The following TRIO variants were observed in gnomAD, a reference collection of about 807,000 sequenced individuals.
TRIO encodes triple functional domain protein.
In TRIO, 58 loss-of-function variants were observed where a neutral mutation model predicts 351.9. The observed-to-expected ratio is 0.16, with a 90% CI of 0.13 to 0.21. The LOEUF (loss-of-function observed/expected upper bound fraction) is 0.21, where lower values mean the gene tolerates loss of function less well. Among genes scored for constraint, TRIO ranks in the 10% least tolerant of loss-of-function variants. TRIO has a pLI of 1.00. For synonymous variants in TRIO, 1,758 were observed against 1,595.7 expected (o/e 1.10, Z -2.42); for missense variants, 3,201 against 4,027.8 (o/e 0.79, Z 5.56).
At position 14,486,236 on chromosome 5, in the gene TRIO, G is replaced by A. The variant is rs187106229; in HGVS notation, c.6835+990G>A. Among the ~76,000 whole-genome samples, 25 of 152,280 alleles carry A rather than the reference G, an allele frequency of 1.6e-4. 1 individual carries two copies. Among genetic ancestry groups the A allele is most frequent in the East Asian group, 3.9e-4 (2 of 5,178 alleles). On this transcript the variant is annotated intron_variant, in intron 47 of 56. Transcript: ENST00000344204. ...CTTCTGGGTTCTTTGCTTCATGTTC[G>A]TATTCACGGTCTGCATCTATGCCTG...
chr5:14,278,195 T>C (rs1160310240), intron 2 of TRIO, among the ~76,000 whole-genome samples: 1 of 152,174 alleles, frequency 6.6e-6, no homozygotes, highest in Non-Finnish European at 1.5e-5. Flanking sequence ...GTTGGAAAAG[T>C]GTAGTAGGGG....
chr5:14,410,359 A>G (rs1355517387), intron 33 of TRIO, among the ~76,000 whole-genome samples: 1 of 152,188 alleles, frequency 6.6e-6, no homozygotes, highest in East Asian at 1.9e-4. Context: ...GTTGAGGGTC[A>G]TTAGATGACT....
At position 14,509,073 on chromosome 5, in the gene TRIO, C is replaced by T. The variant is rs1008318132; in HGVS notation, c.*651C>T. 5.3e-5 allele frequency: 10 copies of T among 188,268 alleles called. No homozygotes were observed. Among genetic ancestry groups the T allele is most frequent in the African/African-American group, 2.4e-4 (10 of 41,624 alleles). The allele number at this position is 188,268 out of a possible 1,614,324, so 11.7% of individuals were successfully genotyped here. ...CCACCTGCCTCCCCTACCCACCCCCCACCCACCACCTGGGGCTTCCTCTGG... is the reference window on the plus strand; with the variant it reads ...CCACCTGCCTCCCCTACCCACCCCCTACCCACCACCTGGGGCTTCCTCTGG... On this transcript the variant is annotated 3_prime_UTR_variant, in exon 57 of 57. Transcript: ENST00000344204.
chr5:14,270,977 C>A, intron 2 of TRIO, 78 bp downstream of exon 2: 1 of 975,998 alleles, frequency 1.0e-6, no homozygotes, highest in Admixed American at 2.2e-5. Context: ...AATGAACTCA[C>A]CTGCCACAAC....
chr5:14,387,151 TAC>T (rs1746616932), intron 21 of TRIO, among the ~76,000 whole-genome samples: 2 of 152,266 alleles, frequency 1.3e-5, no homozygotes, highest in African/African-American at 4.8e-5. Context: ...GCATCCATTC[TAC>T]ACATTTTTAC....
chr5:14,429,916 C>G (rs1278822806), intron 34 of TRIO, among the ~76,000 whole-genome samples: 1 of 152,146 alleles, frequency 6.6e-6, no homozygotes, highest in Non-Finnish European at 1.5e-5. Flanking sequence ...ATTCCAGTAC[C>G]TAGAGACCTG....
chr5:14,176,194 G>A (rs1789392273), intron 1 of TRIO, among the ~76,000 whole-genome samples: 2 of 152,028 alleles, frequency 1.3e-5, no homozygotes, highest in Non-Finnish European at 2.9e-5. Context: ...GAGTCAGGCT[G>A]GGCTTGGTGG....
At chr5:14,325,269 C>T (rs1035002793) in intron 9 of TRIO, among the ~76,000 whole-genome samples, 2 of 152,084 alleles carry the variant, frequency 1.3e-5, no homozygotes, top group African/African-American at 2.4e-5. Context: ...TAAAGGAATA[C>T]CTGAGTCTGG....
chr5:14,343,881 C>G (rs1267772744), intron 11 of TRIO, among the ~76,000 whole-genome samples: 1 of 152,210 alleles, frequency 6.6e-6, no homozygotes, highest in Non-Finnish European at 1.5e-5. Flanking sequence ...TACATTACCA[C>G]CAGAAATGTA....
intron 1 of TRIO, among the ~76,000 whole-genome samples, chr5:14,151,368 T>TTG (rs200982293): frequency 9.7e-5 from 12 of 123,522 alleles, no homozygotes; most frequent in Admixed American, 2.6e-4. Context: ...TGTTTTTTCA[T>TTG]TGTGTGTGTG....
chr5:14,431,167 A>G lies in TRIO; in HGVS notation c.5203+11146A>G, dbSNP rs113667406. Among the ~76,000 whole-genome samples the G allele has an allele frequency of 1.2e-3, 178 of 152,306 alleles. 4 individuals are homozygous for G. Among genetic ancestry groups the G allele is most frequent in the African/African-American group, 4.1e-3 (169 of 41,570 alleles). ...CTGTGGCCACCTCTCCCAGGAGAAC[A>G]TCCTCACGCCCCTTTCTGGGGTTCT... On this transcript the variant is annotated intron_variant, in intron 34 of 56. Transcript: ENST00000344204.
chr5:14,364,197 C>G (rs1579437666), intron 14 of TRIO, among the ~76,000 whole-genome samples: 1 of 152,170 alleles, frequency 6.6e-6, no homozygotes, highest in Non-Finnish European at 1.5e-5. Flanking sequence ...TGTAAATGAA[C>G]TATAAATCCC....
chr5:14,371,232 A>AT (rs1579455334), intron 18 of TRIO, among the ~76,000 whole-genome samples: 1 of 152,128 alleles, frequency 6.6e-6, no homozygotes, highest in South Asian at 2.1e-4. Context: ...TTGACTTACG[A>AT]TTTTTTTGAC....
chr5:14,274,745 T>G (rs1735351072), intron 2 of TRIO, among the ~76,000 whole-genome samples: 1 of 152,208 alleles, frequency 6.6e-6, no homozygotes, highest in Admixed American at 6.5e-5. Flanking sequence ...AAGACTTATT[T>G]CAAATGCATG....
At chr5:14,344,938 A>C (rs1742278365) in intron 11 of TRIO, among the ~76,000 whole-genome samples, 1 of 152,238 alleles carries the variant, frequency 6.6e-6, no homozygotes, top group Non-Finnish European at 1.5e-5. Context: ...CACTAAGTAC[A>C]AAGTATTTAG....
chr5:14,459,660 C>G (rs1753621913), intron 34 of TRIO, among the ~76,000 whole-genome samples: 1 of 152,160 alleles, frequency 6.6e-6, no homozygotes, highest in African/African-American at 2.4e-5. Context: ...GACTCTTGAA[C>G]CCGGGAGGCA....
chr5:14,343,840 C>T (rs1475460339), intron 11 of TRIO, among the ~76,000 whole-genome samples: 1 of 152,168 alleles, frequency 6.6e-6, no homozygotes, highest in African/African-American at 2.4e-5. Context: ...AAGACACTGC[C>T]AAACTGTTTT....
In TRIO at chr5:14,481,582, C is replaced by T. The variant is rs1579782624; in HGVS notation, c.6429C>T (p.Asn2143=). ...EVMCIVPRRC[N]DMMNVGRLQG... ...TGTGCATAGTACCCAGGCGGTGCAACGACATGATGAACGTGGGGCGGCTGC... is the reference window on the plus strand; with the variant it reads ...TGTGCATAGTACCCAGGCGGTGCAATGACATGATGAACGTGGGGCGGCTGC... Residue 2143 remains asparagine (N), a synonymous_variant, in exon 45 of 57, where the codon AAC becomes AAT. Transcript: ENST00000344204. 6.2e-7 allele frequency: 1 copy of T among 1,614,014 alleles called. No homozygotes were observed.
At chr5:14,468,869 A>G (rs545137867) in intron 37 of TRIO, among the ~76,000 whole-genome samples, 24 of 152,360 alleles carry the variant, frequency 1.6e-4, no homozygotes, top group African/African-American at 5.0e-4. Context: ...ACCTAAACCT[A>G]AAACCTGAGG....
Sources: gnomAD v4.1 joint callset for allele counts (sites outside exome capture counted in the v4.1 genomes callset) on GRCh38, gnomAD v4.1.1 for gene constraint, MANE v1.5 for transcripts, NCBI Gene and HGNC (gene_info 2026-07-23, HGNC 2026-07-21) for gene names.